Variants in CDH12 observed in about 807,000 individuals in gnomAD.
CDH12 encodes the protein cadherin 12, also known as cadherin-12.
A neutral mutation model predicts 74.1 loss-of-function variants in CDH12; 41 were observed. The observed-to-expected ratio is 0.55, with a 90% CI of 0.43 to 0.72. The LOEUF is 0.72. Among genes scored for constraint, CDH12 ranks in the 30% least tolerant of loss-of-function variants. The pLI is 0.00. For missense variants in CDH12, 945 were observed against 977.2 expected (o/e 0.97, Z 0.44); for synonymous variants, 399 against 355.0 (o/e 1.12, Z -1.39).
chr5:21,901,730 C>A (rs1753395319), intron 6 of CDH12, among the ~76,000 whole-genome samples: 2 of 152,106 alleles, frequency 1.3e-5, no homozygotes, highest in Non-Finnish European at 2.9e-5. Flanking sequence ...AACTCCCAAG[C>A]AACCAGGTGT....
chr5:21,839,254 C>T (rs961717270), intron 8 of CDH12, among the ~76,000 whole-genome samples: 4 of 152,050 alleles, frequency 2.6e-5, no homozygotes, highest in African/African-American at 9.7e-5. Flanking sequence ...TCCTGTTTTC[C>T]TTAATAACAA....
At chr5:22,199,558 A>AT (rs1750806833) in intron 4 of CDH12, among the ~76,000 whole-genome samples, 1 of 152,136 alleles carries the variant, frequency 6.6e-6, no homozygotes, top group Non-Finnish European at 1.5e-5. Flanking sequence ...TCCTCTTTTC[A>AT]TGCCTGCAGA....
intron 4 of CDH12, among the ~76,000 whole-genome samples, chr5:22,205,310 C>T (rs534785083): frequency 2.2e-3 from 339 of 152,018 alleles, no homozygotes; most frequent in Non-Finnish European, 3.5e-3. Context: ...AAAAAGCCTG[C>T]CTTCATAGAG....
chr5:22,133,328 C>T (rs1287159784), intron 4 of CDH12, among the ~76,000 whole-genome samples: 2 of 152,028 alleles, frequency 1.3e-5, no homozygotes, highest in African/African-American at 4.8e-5. Flanking sequence ...GTCAGATAGT[C>T]GAGAATGATC....
At chr5:22,643,712 C>T (rs972558527) in intron 1 of CDH12, among the ~76,000 whole-genome samples, 7 of 123,670 alleles carry the variant, frequency 5.7e-5, no homozygotes, top group South Asian at 3.0e-4. Flanking sequence ...CATTTTATTG[C>T]GCTTTTGGAT....
chr5:22,167,546 C>A (rs1748758534), intron 4 of CDH12, among the ~76,000 whole-genome samples: 1 of 152,088 alleles, frequency 6.6e-6, no homozygotes, highest in Non-Finnish European at 1.5e-5. Flanking sequence ...ATGGCTCTGC[C>A]ATGCCCCATT....
At chr5:22,330,455 A>G (rs995117324) in intron 3 of CDH12, among the ~76,000 whole-genome samples, 11 of 152,046 alleles carry the variant, frequency 7.2e-5, no homozygotes, top group East Asian at 5.8e-4. Context: ...GACTCCCTAT[A>G]TTAAAGAAAA....
At chr5:22,459,792 C>T (rs1336164699) in intron 2 of CDH12, among the ~76,000 whole-genome samples, 3 of 151,974 alleles carry the variant, frequency 2.0e-5, no homozygotes, top group Non-Finnish European at 2.9e-5. Context: ...CGGTGAAACC[C>T]CGTCTCTATT....
intron 4 of CDH12, among the ~76,000 whole-genome samples, chr5:22,175,244 T>C (rs1304866670): frequency 6.6e-6 from 1 of 151,976 alleles, no homozygotes; most frequent in Non-Finnish European, 1.5e-5. Flanking sequence ...TGTTACACAT[T>C]GTGTGTAATA....
chr5:22,540,897 G>T (rs951339927), intron 1 of CDH12, among the ~76,000 whole-genome samples: 4 of 152,100 alleles, frequency 2.6e-5, no homozygotes, highest in Admixed American at 6.6e-5. Context: ...GCAATTATTG[G>T]TAATGGCTCA....
chr5:22,019,813 A>G (rs2150159973), intron 5 of CDH12, among the ~76,000 whole-genome samples: 1 of 152,314 alleles, frequency 6.6e-6, no homozygotes, highest in Middle Eastern at 3.4e-3. Flanking sequence ...ATCAATAATT[A>G]ATGATGCCTT....
intron 4 of CDH12, among the ~76,000 whole-genome samples, chr5:22,186,609 T>TAC (rs1749963071): frequency 1.3e-5 from 2 of 152,190 alleles, no homozygotes; most frequent in Non-Finnish European, 2.9e-5. Context: ...AATTTGGGAT[T>TAC]ACAGGCGTGC....
intron 1 of CDH12, among the ~76,000 whole-genome samples, chr5:22,839,482 A>G (rs1344399064): frequency 6.6e-6 from 1 of 150,758 alleles, no homozygotes; most frequent in Non-Finnish European, 1.5e-5. Flanking sequence ...CAGCCTCCCG[A>G]GTAGCTGGGA....
chr5:21,878,581 A>C (rs1268241050), intron 6 of CDH12, among the ~76,000 whole-genome samples: 16 of 149,618 alleles, frequency 1.1e-4, no homozygotes, highest in African/African-American at 3.9e-4. Flanking sequence ...ATACAAAAAA[A>C]AAAAAAAAAA....
intron 10 of CDH12, among the ~76,000 whole-genome samples, chr5:21,792,245 C>A (rs1481537305): frequency 1.3e-5 from 2 of 151,802 alleles, no homozygotes; most frequent in East Asian, 3.9e-4. Flanking sequence ...AAATAAATCC[C>A]GCTATGTTCC....
At chr5:22,264,759 GGTTT>G (rs2150396213) in intron 3 of CDH12, among the ~76,000 whole-genome samples, 1 of 152,168 alleles carries the variant, frequency 6.6e-6, no homozygotes, top group South Asian at 2.1e-4. Context: ...GCAATACAAG[GGTTT>G]GTTTCCTTGA....
At chr5:22,731,283 G>T (rs1250333167) in intron 1 of CDH12, among the ~76,000 whole-genome samples, 1 of 151,794 alleles carries the variant, frequency 6.6e-6, no homozygotes, top group Non-Finnish European at 1.5e-5. Flanking sequence ...CTAGGTATAG[G>T]TGGTGTTTGA....
chr5:22,842,997 T>G (rs1038245556), intron 1 of CDH12, among the ~76,000 whole-genome samples: 9 of 152,144 alleles, frequency 5.9e-5, no homozygotes. Flanking sequence ...AAAGTGAATT[T>G]GGCTTTACTT....
intron 3 of CDH12, among the ~76,000 whole-genome samples, chr5:22,363,995 C>T (rs1740929670): frequency 6.6e-6 from 1 of 152,172 alleles, no homozygotes; most frequent in South Asian, 2.1e-4. Context: ...TGCCTTCATG[C>T]CCCTCCCCTC....
Sources: allele counts gnomAD v4.1 joint callset (sites outside exome capture counted in the v4.1 genomes callset), GRCh38; gene constraint gnomAD v4.1.1; transcripts MANE v1.5; gene names NCBI Gene and HGNC (gene_info 2026-07-23, HGNC 2026-07-21).